GRAMD1B: variants seen among roughly 807,000 people sequenced by gnomAD.
GRAMD1B encodes the protein GRAM domain containing 1B.
In GRAMD1B, 37 loss-of-function variants were observed where a neutral mutation model predicts 99.7. That is an observed-to-expected ratio of 0.37 (90% CI 0.29 to 0.49). The LOEUF is 0.49. GRAMD1B is among the 20% of genes least tolerant of loss of function. GRAMD1B has a pLI of 0.98. For synonymous variants in GRAMD1B, 427 were observed against 387.6 expected (o/e 1.10, Z -1.19); for missense variants, 888 against 1,009.2 (o/e 0.88, Z 1.63).
intron 2 of GRAMD1B, among the ~76,000 whole-genome samples, chr11:123,537,416 A>G (rs1213170717): frequency 2.6e-5 from 4 of 152,216 alleles, no homozygotes; most frequent in African/African-American, 9.7e-5. Flanking sequence ...TATGACAATG[A>G]CATGCAAAGC....
chr11:123,456,138 G>A (rs1950106979), intron 1 of GRAMD1B, among the ~76,000 whole-genome samples: 1 of 152,108 alleles, frequency 6.6e-6, no homozygotes, highest in African/African-American at 2.4e-5. Flanking sequence ...TTGCACCACT[G>A]TACTCCAGCC....
chr11:123,519,757 G>A (rs146938983), intron 2 of GRAMD1B, among the ~76,000 whole-genome samples: 38 of 152,364 alleles, frequency 2.5e-4, no homozygotes, highest in East Asian at 2.1e-3. Context: ...GGATCCTGTC[G>A]TTTATTTTCT....
intron 2 of GRAMD1B, among the ~76,000 whole-genome samples, chr11:123,529,178 T>C (rs11219187): frequency 0.32 from 16,009 of 50,704 alleles, 1,146 homozygotes; most frequent in East Asian, 0.41. Context: ...CTCCGACACA[T>C]GTGTACACGC....
intron 7 of GRAMD1B, among the ~76,000 whole-genome samples, 181 bp downstream of exon 7, chr11:123,596,218 G>A (rs528113475): frequency 4.6e-5 from 7 of 152,276 alleles, no homozygotes; most frequent in African/African-American, 1.2e-4. Context: ...GCTGAGCAGC[G>A]GGAGGATAGA....
chr11:123,482,149 A>G (rs570754533), intron 2 of GRAMD1B, among the ~76,000 whole-genome samples: 15 of 151,294 alleles, frequency 9.9e-5, no homozygotes, highest in Non-Finnish European at 1.6e-4. Context: ...CATAGGCTGG[A>G]GTGCAGTGGT....
At chr11:123,608,830 A>AT in intron 12 of GRAMD1B, 28 bp downstream of exon 12, 1 of 1,377,164 alleles carries the variant, frequency 7.3e-7, no homozygotes, top group Non-Finnish European at 1.0e-6. Context: ...TGTACCCCCC[A>AT]TTCCTCCCTC....
At chr11:123,598,901 T>C in intron 7 of GRAMD1B, 1 of 1,241,958 alleles carries the variant, frequency 8.1e-7, no homozygotes, top group South Asian at 1.2e-5. Flanking sequence ...TCTCTAGGTA[T>C]CTCTTATGCT....
rs116599124 is a variant in GRAMD1B, at chr11:123,622,200, T to C, written c.2545-306T>C. Reference sequence around the variant, plus strand: ...AAAGCCTGGCTATAATTTTTAAATTTTTTATAGAGATGGGGTCTCTCTGTG... The same window carrying C: ...AAAGCCTGGCTATAATTTTTAAATTCTTTATAGAGATGGGGTCTCTCTGTG... On this transcript the variant is annotated intron_variant, in intron 19 of 19. Transcript: ENST00000635736. Among the ~76,000 whole-genome samples the C allele has an allele frequency of 6.6e-3, 1,011 of 152,200 alleles. 14 individuals carry two copies. Among genetic ancestry groups the C allele is most frequent in the African/African-American group, 0.023 (938 of 41,524 alleles).
chr11:123,560,983 C>T (rs1322599163), intron 2 of GRAMD1B, among the ~76,000 whole-genome samples: 1 of 152,106 alleles, frequency 6.6e-6, no homozygotes, highest in Non-Finnish European at 1.5e-5. Flanking sequence ...TGCAGAGATG[C>T]CACCTTCTTT....
At chr11:123,394,095 T>C (rs531030857) in intron 1 of GRAMD1B, among the ~76,000 whole-genome samples, 16 of 152,336 alleles carry the variant, frequency 1.1e-4, no homozygotes, top group African/African-American at 3.6e-4. Flanking sequence ...ATATAATTTA[T>C]TATCCAAACC....
Position 123,403,090 on chromosome 11 carries a change from C to T in GRAMD1B, c.-176+44291C>T, listed in dbSNP as rs183195450. Among the ~76,000 whole-genome samples, 15 of 152,146 alleles carry T rather than the reference C, an allele frequency of 9.9e-5. No individual in the cohort carries two copies. In the East Asian group the frequency reaches 2.9e-3, roughly 29 times the overall value. On this transcript the variant is annotated intron_variant, in intron 1 of 20. Transcript: ENST00000638157. ...GTGGACCCTGATCCAAACACAGACT[C>T]TTTCCTCCCCAAAGGCAATCATTCC...
chr11:123,560,681 TGC>T (rs748206385), intron 2 of GRAMD1B: 1 of 416,516 alleles, frequency 2.4e-6, no homozygotes, highest in Admixed American at 2.7e-5. Flanking sequence ...TGACGCCTGG[TGC>T]GTGTGTGTGT....
chr11:123,378,484 A>G (rs1295016117), intron 1 of GRAMD1B, among the ~76,000 whole-genome samples: 1 of 152,170 alleles, frequency 6.6e-6, no homozygotes, highest in African/African-American at 2.4e-5. Context: ...TCTCCAATTC[A>G]TCAGGTTGTC....
chr11:123,609,405 G>A (rs1953217267), intron 12 of GRAMD1B, among the ~76,000 whole-genome samples: 1 of 152,156 alleles, frequency 6.6e-6, no homozygotes, highest in South Asian at 2.1e-4. Flanking sequence ...GCGATCCTGT[G>A]TGCCAAGAGG....
chr11:123,597,297 C>T (rs1247006688), intron 7 of GRAMD1B, among the ~76,000 whole-genome samples: 1 of 122,210 alleles, frequency 8.2e-6, no homozygotes, highest in Admixed American at 9.6e-5. Flanking sequence ...AAGAGACAGG[C>T]TCTCACTATG....
upstream of GRAMD1B, among the ~76,000 whole-genome samples, chr11:123,426,352 T>C (rs1948649793): frequency 6.6e-6 from 1 of 152,198 alleles, no homozygotes; most frequent in Admixed American, 6.5e-5. Flanking sequence ...TAAATGTTTA[T>C]CATCTATCCC....
At chr11:123,405,629 C>T (rs1419079847) in intron 1 of GRAMD1B, among the ~76,000 whole-genome samples, 2 of 152,108 alleles carry the variant, frequency 1.3e-5, no homozygotes, top group South Asian at 2.1e-4. Context: ...GTGGGAGATA[C>T]GGCCTGTACC....
chr11:123,415,776 A>C (rs1948215053), intron 1 of GRAMD1B, among the ~76,000 whole-genome samples: 1 of 152,206 alleles, frequency 6.6e-6, no homozygotes, highest in South Asian at 2.1e-4. Context: ...TATGCCTCAT[A>C]GGCAAAATGG....
intron 2 of GRAMD1B, among the ~76,000 whole-genome samples, chr11:123,520,404 G>A (rs981924882): frequency 1.3e-5 from 2 of 152,032 alleles, no homozygotes; most frequent in Middle Eastern, 3.2e-3. Flanking sequence ...AACCCAAAAG[G>A]GGTTGGTATT....
Sources: allele counts gnomAD v4.1 joint callset (sites outside exome capture counted in the v4.1 genomes callset), GRCh38; gene constraint gnomAD v4.1.1; transcripts MANE v1.5; gene names NCBI Gene and HGNC (gene_info 2026-07-23, HGNC 2026-07-21).